The following EMID1 variants were observed in gnomAD, a reference collection of about 807,000 sequenced individuals.
EMID1 encodes the protein EMI domain-containing protein 1.
A neutral mutation model predicts 60.6 loss-of-function variants in EMID1; 40 were observed. The ratio of observed to expected loss-of-function variants is 0.66; its 90% CI spans 0.51 to 0.86. The LOEUF is 0.86. Ranked by LOEUF, EMID1 falls within the 40% of genes least tolerant of loss-of-function variation. The pLI is 0.00. For missense variants in EMID1, 585 were observed against 597.1 expected (o/e 0.98, Z 0.21); for synonymous variants, 242 against 231.0 (o/e 1.05, Z -0.43).
chr22:29,218,241 A>C (rs1338245018), intron 3 of EMID1, among the ~76,000 whole-genome samples: 1 of 152,170 alleles, frequency 6.6e-6, no homozygotes, highest in Non-Finnish European at 1.5e-5. Context: ...CTGAGACCCC[A>C]CTTCACAGTC....
At chr22:29,230,113 A>G (rs1230457229) in intron 5 of EMID1, among the ~76,000 whole-genome samples, 1 of 152,106 alleles carries the variant, frequency 6.6e-6, no homozygotes, top group Non-Finnish European at 1.5e-5. Context: ...TAAGCAGATC[A>G]CTTCAGGTCA....
intron 2 of EMID1, chr22:29,215,286 G>C: frequency 1.0e-6 from 1 of 984,384 alleles, no homozygotes; most frequent in Non-Finnish European, 1.2e-6. Flanking sequence ...TTCACGCTGG[G>C]CTCAGGCCAG....
At chr22:29,243,340 C>A in intron 12 of EMID1, 105 bp from the exon 13 acceptor site, 1 of 1,162,526 alleles carries the variant, frequency 8.6e-7, no homozygotes, top group Non-Finnish European at 1.2e-6. Flanking sequence ...TTCTGTTTCT[C>A]TAAGTTTCTC....
chr22:29,243,549 G>A (rs1489821869), intron 13 of EMID1, 60 bp downstream of exon 13: 2 of 1,602,200 alleles, frequency 1.2e-6, no homozygotes, highest in Non-Finnish European at 8.5e-7. Flanking sequence ...GCTCAAGAGA[G>A]TATTCCCTCC....
chr22:29,232,596 G>C, intron 8 of EMID1, 194 bp downstream of exon 8: 1 of 633,520 alleles, frequency 1.6e-6, no homozygotes, highest in Non-Finnish European at 2.5e-6. Flanking sequence ...AGAGAGGGAA[G>C]GTGGCTTGCC....
At chr22:29,219,217 G>A (rs1601922036) in intron 3 of EMID1, among the ~76,000 whole-genome samples, 1 of 152,130 alleles carries the variant, frequency 6.6e-6, no homozygotes, top group South Asian at 2.1e-4. Flanking sequence ...GGATGTCCCC[G>A]GGAGTGTGTT....
intron 12 of EMID1, 148 bp downstream of exon 12, chr22:29,234,497 G>A (rs2040872481): frequency 1.1e-6 from 1 of 945,210 alleles, no homozygotes; most frequent in Non-Finnish European, 1.6e-6. Flanking sequence ...GAGACTCATT[G>A]TCCTCTTTGG....
At chr22:29,250,074 C>T (rs1310099387) in intron 13 of EMID1, among the ~76,000 whole-genome samples, 3 of 152,084 alleles carry the variant, frequency 2.0e-5, no homozygotes, top group Non-Finnish European at 2.9e-5. Flanking sequence ...AGACACCTGT[C>T]TCTACAAAAA....
chr22:29,257,718 G>A (rs1389930418), intron 14 of EMID1, among the ~76,000 whole-genome samples: 3 of 152,196 alleles, frequency 2.0e-5, no homozygotes, highest in Non-Finnish European at 2.9e-5. Flanking sequence ...TCCTGGTCAC[G>A]GTAAACACAT....
chr22:29,222,158 A>G (rs2146208600), intron 3 of EMID1, among the ~76,000 whole-genome samples: 1 of 152,326 alleles, frequency 6.6e-6, no homozygotes, highest in East Asian at 1.9e-4. Context: ...CAGTGGCACA[A>G]TCACAGCTCA....
chr22:29,229,005 G>T (rs2040630963), intron 5 of EMID1, among the ~76,000 whole-genome samples: 1 of 152,166 alleles, frequency 6.6e-6, no homozygotes, highest in Admixed American at 6.5e-5. Context: ...ATTCTATGGG[G>T]CATTCAGCAG....
At chr22:29,247,089 G>T (rs896109622) in intron 13 of EMID1, among the ~76,000 whole-genome samples, 1 of 151,646 alleles carries the variant, frequency 6.6e-6, no homozygotes, top group African/African-American at 2.4e-5. Flanking sequence ...AGCAATTCTC[G>T]TGCCTCAGCC....
At chr22:29,226,993 A>G (rs2040539391) in intron 5 of EMID1, among the ~76,000 whole-genome samples, 1 of 131,980 alleles carries the variant, frequency 7.6e-6, no homozygotes, top group South Asian at 2.3e-4. Context: ...CCCTTTCTCT[A>G]TCCCCCCAAC....
At chr22:29,207,584 G>A (rs995725491) in intron 1 of EMID1, among the ~76,000 whole-genome samples, 3 of 152,224 alleles carry the variant, frequency 2.0e-5, no homozygotes, top group African/African-American at 7.2e-5. Flanking sequence ...GGGCTTCCCA[G>A]CCTGGGCTCC....
intron 3 of EMID1, among the ~76,000 whole-genome samples, chr22:29,220,607 C>T (rs893549489): frequency 1.3e-5 from 2 of 151,904 alleles, no homozygotes; most frequent in African/African-American, 4.8e-5. Context: ...TGGCTCCTCT[C>T]CAGGGAGAGA....
intron 3 of EMID1, among the ~76,000 whole-genome samples, chr22:29,222,425 T>G (rs132387): frequency 1.1e-5 from 1 of 90,308 alleles, no homozygotes; most frequent in Non-Finnish European, 2.3e-5. Context: ...TTTTTTTTTT[T>G]GAGGAGTCTC....
chr22:29,234,785 G>A (rs552508566), intron 12 of EMID1, among the ~76,000 whole-genome samples: 1 of 151,852 alleles, frequency 6.6e-6, no homozygotes, highest in Admixed American at 6.6e-5. Flanking sequence ...TACTTGCCTT[G>A]AATCGACTTT....
intron 3 of EMID1, among the ~76,000 whole-genome samples, chr22:29,219,094 C>T (rs564581850): frequency 2.6e-5 from 4 of 152,178 alleles, no homozygotes; most frequent in Non-Finnish European, 5.9e-5. Context: ...AACTGAGGCT[C>T]AGAGAGGGGA....
At chr22:29,227,638 G>A (rs2040563236) in intron 5 of EMID1, among the ~76,000 whole-genome samples, 1 of 150,010 alleles carries the variant, frequency 6.7e-6, no homozygotes, top group Non-Finnish European at 1.5e-5. Context: ...CTGGGAGGTG[G>A]AGGTTGTAGT....
Sources: allele counts gnomAD v4.1 joint callset (sites outside exome capture counted in the v4.1 genomes callset), GRCh38; gene constraint gnomAD v4.1.1; transcripts MANE v1.5; gene names NCBI Gene and HGNC (gene_info 2026-07-23, HGNC 2026-07-21).